The following HK1 variants were observed in gnomAD, a reference collection of about 807,000 sequenced individuals.
HK1 encodes hexokinase 1.
Under a neutral mutation model 91.6 loss-of-function variants are expected in HK1, and 28 were observed. The ratio of observed to expected loss-of-function variants is 0.31; its 90% CI spans 0.23 to 0.42. The LOEUF (loss-of-function observed/expected upper bound fraction) is 0.42, where lower values mean the gene tolerates loss of function less well. HK1 is among the 10% of genes least tolerant of loss of function. HK1 has a pLI of 1.00. For synonymous variants in HK1, 430 were observed against 468.1 expected (o/e 0.92, Z 1.05); for missense variants, 770 against 1,219.8 (o/e 0.63, Z 5.49).
chr10:69,339,482 G>T (rs1365145744), intron 1 of HK1, among the ~76,000 whole-genome samples: 1 of 152,196 alleles, frequency 6.6e-6, no homozygotes, highest in Non-Finnish European at 1.5e-5. Context: ...TCTGAGAGGG[G>T]TTGTACCTCA....
chr10:69,379,734 C>CCCATA (rs750099786), intron 8 of HK1, 128 bp from the exon 9 acceptor site: 31 of 701,214 alleles, frequency 4.4e-5, no homozygotes, highest in Non-Finnish European at 7.9e-5. Context: ...CAGTCTTCAT[C>CCCATA]CCATACCATC....
At chr10:69,395,978 A>C (rs1840116619) in intron 16 of HK1, among the ~76,000 whole-genome samples, 1 of 152,192 alleles carries the variant, frequency 6.6e-6, no homozygotes, top group South Asian at 2.1e-4. Flanking sequence ...AACCTAACGT[A>C]GGCTCTGTGT....
intron 5 of HK1, among the ~76,000 whole-genome samples, chr10:69,306,388 T>A (rs1028627094): frequency 1.4e-4 from 21 of 146,972 alleles, no homozygotes; most frequent in Admixed American, 1.1e-3. Flanking sequence ...AAATAAAAAA[T>A]AAATAAATAA....
intron 1 of HK1, among the ~76,000 whole-genome samples, chr10:69,280,751 A>G (rs1326182282): frequency 1.3e-5 from 2 of 152,178 alleles, no homozygotes; most frequent in Non-Finnish European, 2.9e-5. Flanking sequence ...AGCCTCCAGA[A>G]CTGTGAAACA....
At chr10:69,272,420 G>A (rs964281700) in intron 1 of HK1, among the ~76,000 whole-genome samples, 2 of 152,212 alleles carry the variant, frequency 1.3e-5, no homozygotes, top group Non-Finnish European at 2.9e-5. Context: ...TTAGATGGCA[G>A]ATCTAAGCAA....
intron 1 of HK1, among the ~76,000 whole-genome samples, chr10:69,276,924 T>C (rs1844506717): frequency 6.6e-6 from 1 of 151,988 alleles, no homozygotes; most frequent in East Asian, 1.9e-4. Context: ...CATGCTTTTA[T>C]GTATTTTAGT....
chr10:69,363,426 T>G (rs980262924), intron 3 of HK1, among the ~76,000 whole-genome samples: 2 of 152,246 alleles, frequency 1.3e-5, no homozygotes, highest in Non-Finnish European at 2.9e-5. Context: ...CTGCCCAGGC[T>G]GGAGTGCAGT....
intron 1 of HK1, among the ~76,000 whole-genome samples, chr10:69,336,453 A>G (rs1235857691): frequency 6.6e-6 from 1 of 151,950 alleles, no homozygotes; most frequent in Non-Finnish European, 1.5e-5. Flanking sequence ...GGCCTCCCAA[A>G]GTGCTGGGAT....
At chr10:69,363,530 C>T (rs1222680726) in intron 3 of HK1, among the ~76,000 whole-genome samples, 2 of 152,302 alleles carry the variant, frequency 1.3e-5, no homozygotes, top group African/African-American at 2.4e-5. Flanking sequence ...AGGCATGTGC[C>T]AGCATGCCTG....
At chr10:69,300,689 A>G (rs1845817708) in intron 4 of HK1, 1 of 860,520 alleles carries the variant, frequency 1.2e-6, no homozygotes, top group Non-Finnish European at 2.0e-6. Flanking sequence ...CAATATAACC[A>G]TGCTTCATCA....
rs1297023844 is a variant in HK1, at chr10:69,283,713, G to A, written c.-215+1009G>A. Among the ~76,000 whole-genome samples, 7 of 147,868 alleles carry A rather than the reference G, an allele frequency of 4.7e-5. No homozygotes were observed. In the East Asian group the frequency reaches 1.0e-3, roughly 21 times the overall value. On this transcript the variant is annotated intron_variant, in intron 2 of 21. Coordinates refer to the HK1 transcript ENST00000360289. ...CGAGAATCGCTTGAACACAGGAGGCGGAGGCTGCAACAAGAGGTTGCAATG... is the reference window on the plus strand; with the variant it reads ...CGAGAATCGCTTGAACACAGGAGGCAGAGGCTGCAACAAGAGGTTGCAATG...
chr10:69,355,299 C>A (rs1244609955), intron 2 of HK1, among the ~76,000 whole-genome samples: 1 of 152,022 alleles, frequency 6.6e-6, no homozygotes, highest in East Asian at 1.9e-4. Context: ...AAACAGAAAG[C>A]AAACCTTATT....
chr10:69,332,255 C>T (rs1328491302), intron 1 of HK1, among the ~76,000 whole-genome samples: 6 of 152,146 alleles, frequency 3.9e-5, no homozygotes, highest in Non-Finnish European at 5.9e-5. Context: ...TCAGTTTCCT[C>T]ATGTGTAAGC....
chr10:69,299,522 A>G (rs955460719), intron 4 of HK1, among the ~76,000 whole-genome samples: 1 of 151,336 alleles, frequency 6.6e-6, no homozygotes, highest in Admixed American at 6.6e-5. Flanking sequence ...GTGCGCCACC[A>G]GGCCCAGCTA....
At chr10:69,350,691 A>G (rs1020571621) in intron 2 of HK1, among the ~76,000 whole-genome samples, 2 of 152,104 alleles carry the variant, frequency 1.3e-5, no homozygotes, top group African/African-American at 4.8e-5. Context: ...AACATGAAAT[A>G]AATAAATGTT....
At chr10:69,345,283 G>A (rs1170308941) in intron 2 of HK1, among the ~76,000 whole-genome samples, 2 of 152,126 alleles carry the variant, frequency 1.3e-5, no homozygotes, top group African/African-American at 4.8e-5. Context: ...TTTTGTTTAG[G>A]TGTTGATTAC....
upstream of HK1, chr10:69,318,701 T>C: frequency 1.6e-6 from 1 of 639,894 alleles, no homozygotes; most frequent in South Asian, 3.0e-5. Flanking sequence ...CGCCGGGCGT[T>C]GCAGAGGCGC....
intron 5 of HK1, among the ~76,000 whole-genome samples, chr10:69,309,025 C>T (rs915414459): frequency 1.3e-5 from 2 of 152,116 alleles, no homozygotes; most frequent in Non-Finnish European, 1.5e-5. Context: ...AAAAAAGATC[C>T]TGGTCTGGCA....
At chr10:69,289,773 A>T (rs1276024172) in intron 3 of HK1, among the ~76,000 whole-genome samples, 1 of 135,538 alleles carries the variant, frequency 7.4e-6, no homozygotes. Flanking sequence ...CACCCGGCCA[A>T]TTTTTTTTTT....
Sources: allele counts gnomAD v4.1 joint callset (sites outside exome capture counted in the v4.1 genomes callset), GRCh38; gene constraint gnomAD v4.1.1; transcripts MANE v1.5; gene names NCBI Gene and HGNC (gene_info 2026-07-23, HGNC 2026-07-21).